The following CTNNA3 variants were observed in gnomAD, a reference collection of about 807,000 sequenced individuals.
CTNNA3 encodes the protein catenin alpha-3.
A neutral mutation model predicts 95.7 loss-of-function variants in CTNNA3; 76 were observed. That is an observed-to-expected ratio of 0.79 (90% CI 0.66 to 0.96). CTNNA3 has a LOEUF of 0.96. Ranked by LOEUF, CTNNA3 falls within the 40% of genes least tolerant of loss-of-function variation. The probability of loss-of-function intolerance (pLI) is 0.00; values close to 1 mark genes in which losing one functional copy is unlikely to be tolerated. For missense variants in CTNNA3, 1,191 were observed against 1,089.8 expected, an observed-to-expected ratio of 1.09 and a Z score of -1.31; for synonymous variants, 431 against 374.4, an observed-to-expected ratio of 1.15 and a Z score of -1.74.
intron 13 of CTNNA3, among the ~76,000 whole-genome samples, chr10:66,208,065 A>G (rs2087881297): frequency 6.6e-6 from 1 of 152,100 alleles, no homozygotes; most frequent in African/African-American, 2.4e-5. Flanking sequence ...TGAAGAAAGA[A>G]TATCAAAAAC....
At chr10:67,426,967 A>C (rs1394137681) in intron 5 of CTNNA3, among the ~76,000 whole-genome samples, 1 of 152,092 alleles carries the variant, frequency 6.6e-6, no homozygotes, top group Non-Finnish European at 1.5e-5. Context: ...AGTCATCAAG[A>C]GACAGTTAAC....
intron 7 of CTNNA3, among the ~76,000 whole-genome samples, chr10:67,107,553 T>C (rs1397447145): frequency 3.3e-5 from 5 of 152,242 alleles, no homozygotes; most frequent in South Asian, 2.1e-4. Flanking sequence ...GGCCTTTAGA[T>C]TGATTGACTT....
intron 7 of CTNNA3, among the ~76,000 whole-genome samples, chr10:66,916,328 T>C (rs1487760357): frequency 6.6e-6 from 1 of 152,148 alleles, no homozygotes. Flanking sequence ...TACTGAATCC[T>C]CAGTTAAAAT....
intron 7 of CTNNA3, among the ~76,000 whole-genome samples, chr10:66,798,881 T>C (rs1841318248): frequency 6.6e-6 from 1 of 151,676 alleles, no homozygotes. Flanking sequence ...ATAAACCTTA[T>C]GCATCAATCT....
chr10:67,615,941 G>A (rs1015185936), intron 2 of CTNNA3, among the ~76,000 whole-genome samples: 1 of 152,136 alleles, frequency 6.6e-6, no homozygotes. Flanking sequence ...TCAGATTACA[G>A]GCGTGAGCCA....
In CTNNA3 at chr10:67,031,721, G is replaced by A. The variant is rs1160327347; in HGVS notation, c.1047+148596C>T. On this transcript the variant is annotated intron_variant, in intron 7 of 17. Coordinates refer to ENST00000433211, the MANE Select transcript of CTNNA3 (RefSeq NM_013266.4). ...TGAGTAGACTAGGACCTTAGTTTCCGCTCAAAGATAATGTAATTCTTGTGT... is the reference window on the plus strand; with the variant it reads ...TGAGTAGACTAGGACCTTAGTTTCCACTCAAAGATAATGTAATTCTTGTGT... Among the ~76,000 whole-genome samples, 3 of 152,142 alleles carry A rather than the reference G, an allele frequency of 2.0e-5. No individual in the cohort carries two copies. The East Asian group carries it at 5.8e-4, about 29-fold the overall frequency.
intron 11 of CTNNA3, among the ~76,000 whole-genome samples, chr10:66,434,581 T>C (rs1362604086): frequency 1.3e-5 from 2 of 152,158 alleles, no homozygotes; most frequent in Non-Finnish European, 2.9e-5. Context: ...TACAATCATG[T>C]CATCTGCAAA....
chr10:67,610,011 T>C (rs1843407408), intron 2 of CTNNA3, among the ~76,000 whole-genome samples: 1 of 152,228 alleles, frequency 6.6e-6, no homozygotes, highest in African/African-American at 2.4e-5. Flanking sequence ...CTAATTTATA[T>C]ATTGAGAGTT....
chr10:67,477,911 C>A (rs1040839677), intron 5 of CTNNA3, among the ~76,000 whole-genome samples: 2 of 152,064 alleles, frequency 1.3e-5, no homozygotes, highest in African/African-American at 4.8e-5. Flanking sequence ...AGATGGAAGA[C>A]AAAGTTGAAA....
chr10:67,711,569 A>C (rs1208953478), intron 1 of CTNNA3, among the ~76,000 whole-genome samples: 3 of 141,160 alleles, frequency 2.1e-5, no homozygotes, highest in East Asian at 1.1e-3. Context: ...GGCAGAAGAA[A>C]TTTATTTATT....
chr10:65,948,361 A>T (rs1212517190), intron 17 of CTNNA3, among the ~76,000 whole-genome samples: 3 of 152,040 alleles, frequency 2.0e-5, no homozygotes, highest in Admixed American at 1.3e-4. Flanking sequence ...GTAGGTGCTC[A>T]ATGTCTACAC....
In CTNNA3 at chr10:66,339,957, C is replaced by T. The variant is rs74318179; in HGVS notation, c.1732+39195G>A. On this transcript the variant is annotated intron_variant, in intron 12 of 17. Coordinates refer to ENST00000433211, the MANE Select transcript of CTNNA3 (RefSeq NM_013266.4). ...ATGGATCTCATCTTTGAAATACAGC[C>T]GAGTGGATGGAGCCTTGCAGACATC... Among the ~76,000 whole-genome samples the T allele has an allele frequency of 4.6e-3, 691 of 151,754 alleles. 6 individuals carry two copies. The highest frequency in any genetic ancestry group is 0.016 in the African/African-American group (652 of 41,456).
intron 12 of CTNNA3, among the ~76,000 whole-genome samples, chr10:66,328,901 CACATATAT>C (rs1432633593): frequency 1.9e-5 from 1 of 53,620 alleles, no homozygotes; most frequent in Non-Finnish European, 4.5e-5. Context: ...TACACACACA[CACATATAT>C]ACATATATAT....
rs923915502 is a variant in CTNNA3, at chr10:67,183,175, C to G, written c.844-2655G>C. Among the ~76,000 whole-genome samples the G allele has an allele frequency of 2.6e-5, 4 of 152,280 alleles. No individual in the cohort carries two copies. The South Asian group carries it at 6.2e-4, about 24-fold the overall frequency. On this transcript the variant is annotated intron_variant, in intron 6 of 17. Transcript: ENST00000433211. ...AACTACAAATACCATTTGACCCAGCCATCCCATTACTGGGTATATACCCAA... is the reference window on the plus strand; with the variant it reads ...AACTACAAATACCATTTGACCCAGCGATCCCATTACTGGGTATATACCCAA...
At chr10:65,966,496 A>G (rs2077968171) in intron 17 of CTNNA3, 116 bp downstream of exon 17, 2 of 808,810 alleles carry the variant, frequency 2.5e-6, no homozygotes, top group Middle Eastern at 2.5e-4. Context: ...AAAAACTCCA[A>G]TTTAGTTTTT....
intron 7 of CTNNA3, among the ~76,000 whole-genome samples, chr10:66,901,764 A>G (rs1254155384): frequency 2.6e-5 from 4 of 152,230 alleles, no homozygotes; most frequent in Non-Finnish European, 5.9e-5. Context: ...ACCAACAAAG[A>G]TCAAAAGAGA....
At chr10:67,045,763 A>C (rs1011578037) in intron 7 of CTNNA3, among the ~76,000 whole-genome samples, 5 of 152,046 alleles carry the variant, frequency 3.3e-5, no homozygotes, top group Non-Finnish European at 4.4e-5. Flanking sequence ...AAAGAGGAGA[A>C]ACCGAACTGG....
At chr10:66,131,240 C>A (rs1006512020) in intron 13 of CTNNA3, among the ~76,000 whole-genome samples, 2 of 152,084 alleles carry the variant, frequency 1.3e-5, no homozygotes, top group African/African-American at 4.8e-5. Flanking sequence ...TCATCCTGAA[C>A]CAAAACCTGG....
intron 10 of CTNNA3, among the ~76,000 whole-genome samples, chr10:66,618,684 G>A (rs918683756): frequency 6.6e-6 from 1 of 152,012 alleles, no homozygotes; most frequent in Non-Finnish European, 1.5e-5. Flanking sequence ...CTAAAGCAAT[G>A]GCAACAAAAG....
Sources: allele counts gnomAD v4.1 joint callset (sites outside exome capture counted in the v4.1 genomes callset), GRCh38; gene constraint gnomAD v4.1.1; transcripts MANE v1.5; gene names NCBI Gene and HGNC (gene_info 2026-07-23, HGNC 2026-07-21).